Variants in RETREG1 observed in about 807,000 individuals in gnomAD.
The protein encoded by RETREG1 is reticulophagy regulator 1.
Under a neutral mutation model 54.8 loss-of-function variants are expected in RETREG1, and 44 were observed. The observed-to-expected ratio is 0.80, with a 90% CI of 0.63 to 1.03. The LOEUF is 1.03. Ranked by LOEUF, RETREG1 falls within the 50% of genes least tolerant of loss-of-function variation. The pLI is 0.00. For synonymous variants in RETREG1, 217 were observed against 238.5 expected, an observed-to-expected ratio of 0.91 and a Z score of 0.83; for missense variants, 554 against 605.1, an observed-to-expected ratio of 0.92 and a Z score of 0.89.
chr5:16,615,050 T>C (rs1743452613), intron 1 of RETREG1, among the ~76,000 whole-genome samples: 1 of 152,182 alleles, frequency 6.6e-6, no homozygotes. Context: ...CTTTAAACTT[T>C]TGCACTGTGA....
At chr5:16,615,731 GACA>G (rs1743486338) in intron 1 of RETREG1, among the ~76,000 whole-genome samples, 1 of 152,182 alleles carries the variant, frequency 6.6e-6, no homozygotes, top group Admixed American at 6.5e-5. Flanking sequence ...CCTAGAAAAT[GACA>G]GGCTGTCTAT....
At chr5:16,482,157 C>T (rs928587271) in intron 4 of RETREG1, among the ~76,000 whole-genome samples, 2 of 151,856 alleles carry the variant, frequency 1.3e-5, no homozygotes, top group African/African-American at 4.8e-5. Context: ...TCTAAAACAG[C>T]AAGGGCCCTT....
intron 1 of RETREG1, among the ~76,000 whole-genome samples, chr5:16,600,974 T>C (rs1191924511): frequency 6.6e-6 from 1 of 152,122 alleles, no homozygotes; most frequent in East Asian, 1.9e-4. Context: ...CAAGAAGCTT[T>C]CTGAAAGCAG....
At chr5:16,493,263 A>G (rs1288112277) in intron 3 of RETREG1, among the ~76,000 whole-genome samples, 1 of 152,196 alleles carries the variant, frequency 6.6e-6, no homozygotes, top group Admixed American at 6.5e-5. Context: ...CATAGTATTT[A>G]TTACAGTTTC....
At chr5:16,488,582 G>C (rs543977638) in intron 3 of RETREG1, among the ~76,000 whole-genome samples, 1 of 152,286 alleles carries the variant, frequency 6.6e-6, no homozygotes, top group East Asian at 1.9e-4. Context: ...TGGCACAGGC[G>C]TGTGAGGAGC....
At chr5:16,490,521 A>C (rs1015747129) in intron 3 of RETREG1, among the ~76,000 whole-genome samples, 1 of 152,160 alleles carries the variant, frequency 6.6e-6, no homozygotes, top group African/African-American at 2.4e-5. Context: ...AGAATAGCTA[A>C]CACTCACCAG....
Position 16,489,238 on chromosome 5 carries a change from ATTTTAC to A in RETREG1, c.459-5772_459-5767del, listed in dbSNP as rs764808817. The stretch of plus-strand genomic sequence containing the variant: ...AACTGGGATGTGAAGCAGTTCACTT[ATTTTAC>A]TTTTATGTGTATCTTTTAAATTATC... On this transcript the variant is annotated intron_variant, in intron 3 of 8. Coordinates refer to ENST00000306320, the MANE Select transcript of RETREG1 (RefSeq NM_001034850.3). Among the ~76,000 whole-genome samples the A allele has an allele frequency of 9.3e-4, 141 of 152,032 alleles. 1 individual carries two copies. The highest frequency in any genetic ancestry group is 2.9e-3 in the South Asian group (14 of 4,812).
At chr5:16,550,748 C>T (rs1741513404) in intron 3 of RETREG1, among the ~76,000 whole-genome samples, 1 of 152,182 alleles carries the variant, frequency 6.6e-6, no homozygotes, top group South Asian at 2.1e-4. Flanking sequence ...GATGACAAAG[C>T]AAAATGTGGT....
chr5:16,577,679 C>T (rs1240491934), intron 1 of RETREG1, among the ~76,000 whole-genome samples: 1 of 152,100 alleles, frequency 6.6e-6, no homozygotes, highest in African/African-American at 2.4e-5. Context: ...CAGATCTCAT[C>T]TTGAATTGTA....
chr5:16,575,697 T>C (rs1488640181), intron 1 of RETREG1, among the ~76,000 whole-genome samples: 1 of 152,242 alleles, frequency 6.6e-6, no homozygotes, highest in African/African-American at 2.4e-5. Flanking sequence ...CAAGGTCTTG[T>C]TGGTCATCGA....
At chr5:16,614,362 G>A (rs1561140594) in intron 1 of RETREG1, among the ~76,000 whole-genome samples, 1 of 152,054 alleles carries the variant, frequency 6.6e-6, no homozygotes, top group African/African-American at 2.4e-5. Context: ...AATAGACAAA[G>A]GTTATTTATA....
chr5:16,506,480 T>A (rs1214824321), intron 3 of RETREG1, among the ~76,000 whole-genome samples: 1 of 84,078 alleles, frequency 1.2e-5, no homozygotes, highest in South Asian at 2.8e-4. Context: ...TTTTTTTGTT[T>A]TTTTTTTTTT....
At chr5:16,513,373 A>G (rs454651) in intron 3 of RETREG1, among the ~76,000 whole-genome samples, 84,850 of 151,550 alleles carry the variant, frequency 0.56, 24,307 homozygotes, top group Non-Finnish European at 0.63. Flanking sequence ...AACTCCTTAC[A>G]AAAGGCAAAT....
At chr5:16,513,570 C>G (rs1740250793) in intron 3 of RETREG1, among the ~76,000 whole-genome samples, 1 of 152,194 alleles carries the variant, frequency 6.6e-6, no homozygotes, top group South Asian at 2.1e-4. Flanking sequence ...TGGACCGGCT[C>G]TTTTTGGTTT....
chr5:16,588,327 C>G (rs564786893), intron 1 of RETREG1, among the ~76,000 whole-genome samples: 121 of 152,268 alleles, frequency 7.9e-4, no homozygotes, highest in African/African-American at 2.9e-3. Flanking sequence ...CTGGTGTCTG[C>G]CTCTCATAAG....
chr5:16,508,917 G>A, intron 3 of RETREG1: 1 of 1,225,798 alleles, frequency 8.2e-7, no homozygotes, highest in Middle Eastern at 3.4e-4. Context: ...GCGGCTGGAA[G>A]TGAGCCCTGC....
chr5:16,566,530 T>A (rs1579689901), intron 2 of RETREG1, among the ~76,000 whole-genome samples: 1 of 152,238 alleles, frequency 6.6e-6, no homozygotes, highest in East Asian at 1.9e-4. Context: ...AGCTTCCGCA[T>A]TTTCCATCTA....
At chr5:16,508,729 A>T (rs1444696549) in intron 3 of RETREG1, 8 of 1,558,960 alleles carry the variant, frequency 5.1e-6, no homozygotes, top group South Asian at 2.4e-5. Flanking sequence ...GAGGAAAAAA[A>T]CCCAGTAGAG....
At chr5:16,573,032 AG>A (rs544194718) in intron 1 of RETREG1, among the ~76,000 whole-genome samples, 3 of 151,856 alleles carry the variant, frequency 2.0e-5, no homozygotes, top group Non-Finnish European at 4.4e-5. Flanking sequence ...AAAATACAAA[AG>A]TTAGCCAGGC....
Sources: gnomAD v4.1 joint callset for allele counts (sites outside exome capture counted in the v4.1 genomes callset) on GRCh38, gnomAD v4.1.1 for gene constraint, MANE v1.5 for transcripts, NCBI Gene and HGNC (gene_info 2026-07-23, HGNC 2026-07-21) for gene names.